DLGAP2: variants seen among roughly 807,000 people sequenced by gnomAD.
DLGAP2 encodes the protein disks large-associated protein 2.
In DLGAP2, 26 loss-of-function variants were observed where a neutral mutation model predicts 100.3. That is an observed-to-expected ratio of 0.26 (90% CI 0.19 to 0.36). DLGAP2 has a LOEUF of 0.36. DLGAP2 is among the 10% of genes least tolerant of loss of function. DLGAP2 has a pLI of 1.00. For missense variants in DLGAP2, 1,858 were observed against 1,453.2 expected (o/e 1.28, Z -4.53); for synonymous variants, 886 against 630.1 (o/e 1.41, Z -6.08).
At chr8:1,599,690 T>C (rs1255405544) in intron 6 of DLGAP2, among the ~76,000 whole-genome samples, 1 of 152,214 alleles carries the variant, frequency 6.6e-6, no homozygotes, top group Non-Finnish European at 1.5e-5. Flanking sequence ...GAGACTAGGA[T>C]TGCAACTCCT....
chr8:864,010 T>A (rs1797443685), intron 1 of DLGAP2, among the ~76,000 whole-genome samples: 1 of 152,156 alleles, frequency 6.6e-6, no homozygotes, highest in Non-Finnish European at 1.5e-5. Flanking sequence ...TGGATATGAC[T>A]CAGCCATCAA....
chr8:1,437,813 C>CAAAAAAAAAAAAAAA (rs59165125), intron 3 of DLGAP2, among the ~76,000 whole-genome samples: 4 of 85,210 alleles, frequency 4.7e-5, no homozygotes, highest in East Asian at 3.9e-4. Flanking sequence ...ACTAAAAATA[C>CAAAAAAAAAAAAAAA]AAAAAAAAAA....
At chr8:1,338,360 A>G (rs1185427152) in intron 3 of DLGAP2, among the ~76,000 whole-genome samples, 2 of 152,204 alleles carry the variant, frequency 1.3e-5, no homozygotes, top group East Asian at 3.9e-4. Context: ...TACAGATGCA[A>G]ATATTATGTG....
At chr8:1,591,665 G>T (rs930969046) in intron 6 of DLGAP2, among the ~76,000 whole-genome samples, 1 of 152,074 alleles carries the variant, frequency 6.6e-6, no homozygotes, top group Admixed American at 6.5e-5. Flanking sequence ...GGAAATATGC[G>T]TGTGATTGCT....
chr8:1,657,733 A>G (rs1798316177), intron 8 of DLGAP2, among the ~76,000 whole-genome samples: 1 of 152,256 alleles, frequency 6.6e-6, no homozygotes, highest in South Asian at 2.1e-4. Context: ...CTCTATATCA[A>G]AATCATTTTA....
At chr8:1,554,977 C>G (rs2130538647) in intron 5 of DLGAP2, among the ~76,000 whole-genome samples, 1 of 152,310 alleles carries the variant, frequency 6.6e-6, no homozygotes, top group Middle Eastern at 3.4e-3. Flanking sequence ...GATACCAGTG[C>G]TCAGCAGAAT....
At chr8:1,661,870 C>A (rs1268291474) in intron 8 of DLGAP2, among the ~76,000 whole-genome samples, 3 of 152,364 alleles carry the variant, frequency 2.0e-5, no homozygotes, top group Middle Eastern at 6.8e-3. Context: ...GTGTCATCAC[C>A]ATCACTCAGC....
At chr8:837,921 G>A (rs1219228827) in intron 1 of DLGAP2, among the ~76,000 whole-genome samples, 2 of 147,746 alleles carry the variant, frequency 1.4e-5, no homozygotes, top group Non-Finnish European at 3.0e-5. Context: ...TTTAAGTAGA[G>A]AGGGGGTTTC....
chr8:1,170,790 C>G (rs1797112748), intron 2 of DLGAP2, among the ~76,000 whole-genome samples: 1 of 147,528 alleles, frequency 6.8e-6, no homozygotes, highest in African/African-American at 2.5e-5. Context: ...CTTTATTAGT[C>G]TTGCTAGCGG....
intron 2 of DLGAP2, among the ~76,000 whole-genome samples, chr8:910,038 T>G (rs1798453871): frequency 6.6e-6 from 1 of 152,220 alleles, no homozygotes; most frequent in Admixed American, 6.5e-5. Flanking sequence ...GGAGATTAAC[T>G]TTGGAATGGG....
At chr8:1,119,904 A>C (rs77246545) in intron 2 of DLGAP2, among the ~76,000 whole-genome samples, 25,632 of 152,102 alleles carry the variant, frequency 0.17, 2,672 homozygotes, top group African/African-American at 0.29. Flanking sequence ...GGGACTTCTC[A>C]CTAGAAAGGT....
At chr8:1,267,627 T>TAAAAAAAA (rs61003863) in intron 3 of DLGAP2, among the ~76,000 whole-genome samples, 3 of 39,406 alleles carry the variant, frequency 7.6e-5, no homozygotes, top group African/African-American at 3.7e-4. Context: ...ATAAGATAAA[T>TAAAAAAAA]ATTAAATAGG....
intron 2 of DLGAP2, among the ~76,000 whole-genome samples, chr8:1,124,018 T>TAA (rs35357883): frequency 3.1e-4 from 47 of 151,944 alleles, no homozygotes; most frequent in Non-Finnish European, 5.0e-4. Flanking sequence ...GTGGTATTCT[T>TAA]AAAAAAAATT....
chr8:857,518 A>G (rs1797302256), intron 1 of DLGAP2, among the ~76,000 whole-genome samples: 2 of 152,256 alleles, frequency 1.3e-5, no homozygotes. Context: ...TAAAATGTGT[A>G]AAAGATCTTA....
chr8:1,619,215 C>T (rs185549455), intron 6 of DLGAP2, among the ~76,000 whole-genome samples: 2 of 152,284 alleles, frequency 1.3e-5, no homozygotes, highest in East Asian at 3.9e-4. Context: ...AAAGAAGATA[C>T]ACAAATGTCC....
At chr8:811,065 G>T (rs1050369290) in intron 1 of DLGAP2, among the ~76,000 whole-genome samples, 1 of 152,200 alleles carries the variant, frequency 6.6e-6, no homozygotes, top group Non-Finnish European at 1.5e-5. Flanking sequence ...TTTCTTGGTC[G>T]TGACCCTGAT....
At chr8:1,536,230 C>T (rs571955904) in intron 4 of DLGAP2, among the ~76,000 whole-genome samples, 2 of 152,130 alleles carry the variant, frequency 1.3e-5, no homozygotes, top group Admixed American at 6.5e-5. Flanking sequence ...GCCATCTGAA[C>T]TTGGGAAAGT....
At chr8:1,629,349 A>G (rs1272233502) in intron 7 of DLGAP2, among the ~76,000 whole-genome samples, 1 of 152,326 alleles carries the variant, frequency 6.6e-6, no homozygotes, top group African/African-American at 2.4e-5. Flanking sequence ...CCCAATGACA[A>G]GGAAAGACCG....
chr8:829,762 A>T (rs995829475), intron 1 of DLGAP2, among the ~76,000 whole-genome samples: 8 of 152,242 alleles, frequency 5.3e-5, no homozygotes, highest in Admixed American at 1.3e-4. Context: ...AGTCACATAT[A>T]GGTTCATAAT....
Sources: gnomAD v4.1 joint callset for allele counts (sites outside exome capture counted in the v4.1 genomes callset) on GRCh38, gnomAD v4.1.1 for gene constraint, MANE v1.5 for transcripts, NCBI Gene and HGNC (gene_info 2026-07-23, HGNC 2026-07-21) for gene names.